SERBP1: variants seen among roughly 807,000 people sequenced by gnomAD.
SERBP1 encodes SERPINE1 mRNA binding protein 1.
SERBP1 carries 6 observed loss-of-function variants against 50.2 expected under a neutral mutation model. The observed-to-expected ratio is 0.12, with a 90% confidence interval of 0.07 to 0.24. The LOEUF is 0.24. Among genes scored for constraint, SERBP1 ranks in the 10% least tolerant of loss-of-function variants. SERBP1 has a pLI of 1.00. For missense variants in SERBP1, 346 were observed against 524.9 expected, an observed-to-expected ratio of 0.66 and a Z score of 3.33; for synonymous variants, 168 against 182.8, an observed-to-expected ratio of 0.92 and a Z score of 0.65.
rs772226653 is a variant in SERBP1, at chr1:67,430,175, G to C, written c.126C>G (p.Gly42=). The change falls in exon 1 of 8, where the codon GGC becomes GGG. Residue 42 remains glycine (G), a synonymous_variant. Transcript: ENST00000361219. The part of the protein sequence containing the change: ...KAAENKKKEA[G]GGGVGGPGAK... ...CCCCAGGGCCCCCAACGCCGCCCCCGCCGGCTTCTTTTTTCTTGTTCTCTG... is the reference window on the plus strand; with the variant it reads ...CCCCAGGGCCCCCAACGCCGCCCCCCCCGGCTTCTTTTTTCTTGTTCTCTG... 2 of 1,610,576 alleles carry C rather than the reference G, an allele frequency of 1.2e-6. No homozygotes were observed. Among genetic ancestry groups the C allele is most frequent in the South Asian group, 1.1e-5 (1 of 90,908 alleles).
intron 1 of SERBP1, among the ~76,000 whole-genome samples, chr1:67,428,105 G>C (rs1328180479): frequency 6.6e-6 from 1 of 152,210 alleles, no homozygotes; most frequent in Non-Finnish European, 1.5e-5. Context: ...AATCAGGACA[G>C]TAGAATCTCA....
rs924244096 is a variant in SERBP1, at chr1:67,412,272, T to C, written c.*935A>G. ...AAATCATACCAAATGGCCAGACACTTATTTTACAGAACAGTTTAAATATTA... is the reference window on the plus strand; with the variant it reads ...AAATCATACCAAATGGCCAGACACTCATTTTACAGAACAGTTTAAATATTA... On this transcript the variant is annotated 3_prime_UTR_variant, in exon 8 of 8. Transcript: ENST00000361219. 3 of 152,684 alleles carry C rather than the reference T, an allele frequency of 2.0e-5. No individual in the cohort carries two copies. Among genetic ancestry groups the C allele is most frequent in the African/African-American group, 7.2e-5 (3 of 41,462 alleles). 9.5% of individuals were successfully genotyped at this position (152,684 alleles called of 1,614,324 possible). A position where few individuals can be genotyped will look rare whatever the true frequency, so the allele number is the denominator to read the frequency against.
chr1:67,418,628 G>A (rs1268141592), intron 6 of SERBP1, among the ~76,000 whole-genome samples: 5 of 151,990 alleles, frequency 3.3e-5, no homozygotes, highest in Admixed American at 2.0e-4. Context: ...GCATGGTGGC[G>A]AGTGTCCGTA....
rs375559486 is a variant in SERBP1 at position 67,415,171 on chromosome 1, C to T, written c.1120G>A (p.Asp374Asn). 3.6e-5 allele frequency: 57 copies of T among 1,580,406 alleles called. No homozygotes were observed. The highest frequency in any genetic ancestry group is 4.7e-5 in the Non-Finnish European group (55 of 1,167,110). The change falls in exon 7 of 8, where the codon GAC becomes AAC. Residue 374 changes from aspartate to asparagine, a missense_variant. By Grantham distance (23) the Asp-to-Asn change is conservative. Transcript: ENST00000361219. ...AAAAGAAAGTCTTAAATTACCTTGTCGGTCCTGCTGCCACGGTTTGGGCGC... is the reference window on the plus strand; with the variant it reads ...AAAAGAAAGTCTTAAATTACCTTGTTGGTCCTGCTGCCACGGTTTGGGCGC... The part of the protein sequence containing the change: ...GGRPNRGSRT[D>N]KSSASAPDVD...
Position 67,425,205 on chromosome 1 carries a change from A to G in SERBP1, c.483T>C (p.Pro161=). 2 of 1,608,176 alleles carry G rather than the reference A, an allele frequency of 1.2e-6. No homozygotes were observed. The highest frequency in any genetic ancestry group is 1.7e-6 in the Non-Finnish European group (2 of 1,178,708). The change falls in exon 3 of 8, where the codon CCT becomes CCC. Residue 161 remains proline (P), a synonymous_variant. Transcript: ENST00000361219. ...FSVDRPIIDR[P]IRGRGGLGRG... is the part of the protein sequence containing the mutation. ...TTCCAAGACCACCACGACCTCGAAT[A>G]GGTCGGTCAATAATCGGTCTATAAT...
chr1:67,422,510 CAAAAAAA>C (rs983365701), intron 5 of SERBP1, among the ~76,000 whole-genome samples: 5 of 136,820 alleles, frequency 3.7e-5, no homozygotes, highest in African/African-American at 1.1e-4. Context: ...AACTCCATCT[CAAAAAAA>C]AAAAAGAAAA....
chr1:67,425,399 G>A (rs1162363267), intron 2 of SERBP1, among the ~76,000 whole-genome samples, 176 bp from the exon 3 acceptor site: 2 of 152,144 alleles, frequency 1.3e-5, no homozygotes, highest in East Asian at 3.8e-4. Context: ...ACCAGAACAA[G>A]ACAGCCTCCC....
intron 2 of SERBP1, 38 bp from the exon 3 acceptor site, chr1:67,425,261 C>T (rs1667332543): frequency 6.5e-7 from 1 of 1,535,588 alleles, no homozygotes; most frequent in African/African-American, 1.4e-5. Flanking sequence ...TCCATGGTTT[C>T]CAGAAGAAAT....
chr1:67,415,568 C>T (rs112125791), intron 6 of SERBP1, among the ~76,000 whole-genome samples: 341 of 152,316 alleles, frequency 2.2e-3, no homozygotes, highest in Non-Finnish European at 4.3e-3. Context: ...TACCAGCAGT[C>T]CTCAACTAAA....
chr1:67,413,699 C>A (rs971637196), intron 7 of SERBP1, among the ~76,000 whole-genome samples: 1 of 150,648 alleles, frequency 6.6e-6, no homozygotes, highest in South Asian at 2.1e-4. Flanking sequence ...TAAAATGTAT[C>A]AAGACAAAAT....
chr1:67,430,059 G>C lies in SERBP1; in HGVS notation c.242C>G (p.Pro81Arg). Residue 81 changes from proline (P) to arginine (R), a missense_variant, in exon 1 of 8, where the codon CCG (proline) becomes CGG (arginine). Coordinates refer to ENST00000361219, the MANE Select transcript of SERBP1 (RefSeq NM_001018069.2). Reference protein sequence around the residue: ...RKESQKDRKNPLPPSVGVVDK... With the variant: ...RKESQKDRKNRLPPSVGVVDK... Reference sequence around the variant, plus strand: ...AACCACGCCAACGCTGGGGGGCAGCGGGTTCTTGCGGTCTTTCTGGGACTC... The same window carrying C: ...AACCACGCCAACGCTGGGGGGCAGCCGGTTCTTGCGGTCTTTCTGGGACTC... 1.9e-6 allele frequency: 3 copies of C among 1,613,698 alleles called. No homozygotes were observed. Among genetic ancestry groups the C allele is most frequent in the Middle Eastern group, 1.7e-4 (1 of 5,966 alleles).
In SERBP1 at chr1:67,409,690, T is replaced by TA. The variant is rs1157479552; in HGVS notation, c.*3516dup. On this transcript the variant is annotated 3_prime_UTR_variant, in exon 8 of 8. Transcript: ENST00000361219. The stretch of plus-strand genomic sequence containing the variant: ...TTCACATAACCTCCAAATTTGAACT[T>TA]AAAAGTCAAGGAAGATGAAGAGGTA... The TA allele has an allele frequency of 6.6e-6, 1 of 152,154 alleles. No homozygotes were observed. The highest frequency in any genetic ancestry group is 2.4e-5 in the African/African-American group (1 of 41,432). 9.4% of individuals were successfully genotyped at this position (152,154 alleles called of 1,614,324 possible).
At chr1:67,424,837 G>T in intron 4 of SERBP1, 51 bp downstream of exon 4, 1 of 1,355,178 alleles carries the variant, frequency 7.4e-7, no homozygotes, top group Non-Finnish European at 1.1e-6. Context: ...ACAGAGGTAT[G>T]GATTAACCTC....
At chr1:67,419,663 C>A (rs1263259516) in intron 6 of SERBP1, 2 of 264,798 alleles carry the variant, frequency 7.6e-6, no homozygotes, top group Non-Finnish European at 7.2e-6. Flanking sequence ...ATACCACAGC[C>A]CTTTAATGAT....
chr1:67,420,228 A>G, intron 5 of SERBP1, 42 bp from the exon 6 acceptor site: 3 of 1,382,696 alleles, frequency 2.2e-6, no homozygotes, highest in South Asian at 2.6e-5. Flanking sequence ...TAGAGAGCTG[A>G]TATTACATAA....
intron 1 of SERBP1, chr1:67,429,324 T>C (rs934232757): frequency 1.3e-5 from 2 of 152,238 alleles, no homozygotes; most frequent in African/African-American, 4.8e-5. Flanking sequence ...TAATCGAGTG[T>C]GGCCAAACTC....
chr1:67,424,240 C>T lies in SERBP1; in HGVS notation c.733G>A (p.Glu245Lys). The T allele has an allele frequency of 6.2e-7, 1 of 1,612,596 alleles. No homozygotes were observed. The highest frequency in any genetic ancestry group is 8.5e-7 in the Non-Finnish European group (1 of 1,179,312). Residue 245 changes from glutamate (E) to lysine (K), a missense_variant, in exon 5 of 8, where the codon GAA becomes AAA. Glu to Lys is a moderately conservative substitution (Grantham distance 56). Transcript: ENST00000361219. ...DQSNVTEETP[E>K]GEEHHPVADT... is the part of the protein sequence containing the mutation. ...GCCACTGGATGATGTTCTTCACCTT[C>T]AGGTGTTTCCTCAGTCACATTTGAT...
Position 67,430,359 on chromosome 1 carries a change from G to C in SERBP1, c.-59C>G. The C allele has an allele frequency of 2.0e-6, 3 of 1,478,186 alleles. No homozygotes were observed. The highest frequency in any genetic ancestry group is 1.8e-6 in the Non-Finnish European group (2 of 1,108,748). 91.6% of individuals were successfully genotyped at this position (1,478,186 alleles called of 1,614,324 possible). A position where few individuals can be genotyped will look rare whatever the true frequency, so the allele number is the denominator to read the frequency against. On this transcript the variant is annotated 5_prime_UTR_variant, in exon 1 of 8. Transcript: ENST00000361219. The stretch of plus-strand genomic sequence containing the variant: ...TGCAGCGGGCCGCGCCGAGCCAAGA[G>C]CGCCTGCTTCAGCTCTTCCCACAAG...
In SERBP1 at chr1:67,425,268, A is replaced by T. The variant is rs759551616; in HGVS notation, c.465-45T>A. 2.6e-6 allele frequency: 4 copies of T among 1,518,410 alleles called. No homozygotes were observed. In the African/African-American group the frequency reaches 5.6e-5, roughly 21 times the overall value. The allele number at this position is 1,518,410 out of a possible 1,614,324, so 94.1% of individuals were successfully genotyped here. A position where few individuals can be genotyped will look rare whatever the true frequency, so the allele number is the denominator to read the frequency against. ...ATTATACTTCCATGGTTTCCAGAAG[A>T]AATGAGGAAAATTCATCCAAAAGAT... On this transcript the variant is annotated intron_variant, in intron 2 of 7. Coordinates refer to ENST00000361219, the MANE Select transcript of SERBP1 (RefSeq NM_001018069.2).
Sources: gnomAD v4.1 joint callset for allele counts (sites outside exome capture counted in the v4.1 genomes callset) on GRCh38, gnomAD v4.1.1 for gene constraint, MANE v1.5 for transcripts, NCBI Gene and HGNC (gene_info 2026-07-23, HGNC 2026-07-21) for gene names.